EPB41L3: variants seen among roughly 807,000 people sequenced by gnomAD.
EPB41L3 encodes erythrocyte membrane protein band 4.1 like 3, also known as band 4.1-like protein 3.
A neutral mutation model predicts 127.1 loss-of-function variants in EPB41L3; 57 were observed. The observed-to-expected ratio is 0.45, with a 90% CI of 0.36 to 0.56. The LOEUF (loss-of-function observed/expected upper bound fraction) is 0.56, where lower values mean the gene tolerates loss of function less well. Among genes scored for constraint, EPB41L3 ranks in the 20% least tolerant of loss-of-function variants. EPB41L3 has a pLI of 0.00. For synonymous variants in EPB41L3, 572 were observed against 549.5 expected (o/e 1.04, Z -0.57); for missense variants, 1,273 against 1,372.2 (o/e 0.93, Z 1.14).
At chr18:5,464,945 T>C (rs2084691044) in intron 3 of EPB41L3, among the ~76,000 whole-genome samples, 2 of 152,210 alleles carry the variant, frequency 1.3e-5, no homozygotes, top group Admixed American at 6.5e-5. Flanking sequence ...CAAGGAACAC[T>C]ATACCTACTT....
chr18:5,456,848 C>T (rs1260927205), intron 3 of EPB41L3, among the ~76,000 whole-genome samples: 1 of 152,224 alleles, frequency 6.6e-6, no homozygotes, highest in Non-Finnish European at 1.5e-5. Flanking sequence ...AGCTGCTGAA[C>T]CCTGCTAAGA....
At chr18:5,558,458 T>C (rs2094072771) in intron 3 of EPB41L3, among the ~76,000 whole-genome samples, 1 of 152,116 alleles carries the variant, frequency 6.6e-6, no homozygotes, top group South Asian at 2.1e-4. Context: ...TGGAAATGGG[T>C]GACAGATAGG....
chr18:5,537,068 A>T (rs2093596051), intron 1 of EPB41L3, among the ~76,000 whole-genome samples: 1 of 152,166 alleles, frequency 6.6e-6, no homozygotes, highest in South Asian at 2.1e-4. Context: ...CCATTTTATA[A>T]ACGAGCAAAC....
At chr18:5,545,540 C>T (rs913488217), upstream of EPB41L3, among the ~76,000 whole-genome samples, 2 of 152,080 alleles carry the variant, frequency 1.3e-5, no homozygotes, top group Non-Finnish European at 2.9e-5. Context: ...TACTATGTTG[C>T]TATGGAGTTT....
intron 1 of EPB41L3, among the ~76,000 whole-genome samples, chr18:5,616,992 A>G (rs2094802596): frequency 6.6e-6 from 1 of 152,194 alleles, no homozygotes; most frequent in African/African-American, 2.4e-5. Flanking sequence ...ATGAAATGCA[A>G]AACTCCTGTG....
At chr18:5,469,892 G>C (rs1469959286) in intron 3 of EPB41L3, among the ~76,000 whole-genome samples, 1 of 151,486 alleles carries the variant, frequency 6.6e-6, no homozygotes, top group Non-Finnish European at 1.5e-5. Context: ...CAAGTCTCCT[G>C]CCTCAGCCTC....
At position 5,412,876 on chromosome 18, in the gene EPB41L3, A is replaced by G. The variant is rs1223142647; in HGVS notation, c.2068-2257T>C. Among the ~76,000 whole-genome samples, 12 of 152,118 alleles carry G rather than the reference A, an allele frequency of 7.9e-5. No individual in the cohort carries two copies. The East Asian group carries it at 2.3e-3, about 29-fold the overall frequency. On this transcript the variant is annotated intron_variant, in intron 13 of 22. Transcript: ENST00000341928. ...CCTGACACACTCAGAGCTAAAAAAAAAAAAAAAAAATGCCTATAACAATTA... is the reference window on the plus strand; with the variant it reads ...CCTGACACACTCAGAGCTAAAAAAAGAAAAAAAAAATGCCTATAACAATTA...
At chr18:5,524,187 G>A (rs1331509654) in intron 1 of EPB41L3, among the ~76,000 whole-genome samples, 4 of 151,026 alleles carry the variant, frequency 2.6e-5, no homozygotes, top group Admixed American at 1.3e-4. Context: ...TTTTGTTGTT[G>A]TTGTTTTTTG....
In EPB41L3 at chr18:5,458,030, A is replaced by AT. The variant is rs1568264994; in HGVS notation, c.382-12787dup. ...ACAGTGCCGGGCATCGAGCAGAAACATTTTTTTAAAAATATCAAAGAAAAT... is the reference window on the plus strand; with the variant it reads ...ACAGTGCCGGGCATCGAGCAGAAACATTTTTTTTAAAAATATCAAAGAAAAT... On this transcript the variant is annotated intron_variant, in intron 3 of 22. Transcript: ENST00000341928. Among the ~76,000 whole-genome samples, 5 of 152,122 alleles carry AT rather than the reference A, an allele frequency of 3.3e-5. No homozygotes were observed. In the South Asian group the frequency reaches 1.0e-3, roughly 31 times the overall value.
chr18:5,444,098 G>A (rs1439124561), intron 4 of EPB41L3, among the ~76,000 whole-genome samples: 1 of 152,196 alleles, frequency 6.6e-6, no homozygotes, highest in Non-Finnish European at 1.5e-5. Flanking sequence ...TGCAGTTTGG[G>A]CCTGACAAAA....
chr18:5,600,490 A>G (rs1301481061), intron 3 of EPB41L3, among the ~76,000 whole-genome samples: 1 of 152,192 alleles, frequency 6.6e-6, no homozygotes, highest in Admixed American at 6.5e-5. Context: ...CAGTCTCATC[A>G]TAAAAAAAGA....
intron 12 of EPB41L3, 151 bp from the exon 13 acceptor site, chr18:5,416,529 A>T (rs2076848733): frequency 1.3e-6 from 1 of 767,462 alleles, no homozygotes; most frequent in South Asian, 2.0e-5. Context: ...TGAATGTTAA[A>T]GTATTCAAGC....
chr18:5,454,835 C>T lies in EPB41L3; in HGVS notation c.382-9591G>A, dbSNP rs143937014. 7.3e-3 allele frequency among the ~76,000 whole-genome samples: 1,113 copies of T among 152,174 alleles called. 14 individuals carry two copies. Among genetic ancestry groups the T allele is most frequent in the African/African-American group, 0.024 (1,014 of 41,524 alleles). ...ATAGTGAACATGTGTGTTTAATTTC[C>T]AGGTCTAAATTATCTAGAGATGAGA... On this transcript the variant is annotated intron_variant, in intron 3 of 22. Transcript: ENST00000341928.
At chr18:5,523,147 G>A (rs2148835306) in intron 1 of EPB41L3, among the ~76,000 whole-genome samples, 1 of 152,282 alleles carries the variant, frequency 6.6e-6, no homozygotes, top group Non-Finnish European at 1.5e-5. Context: ...TCACACAAGG[G>A]CCACAAAGTC....
At chr18:5,509,294 T>C (rs966022650) in intron 1 of EPB41L3, among the ~76,000 whole-genome samples, 1 of 152,204 alleles carries the variant, frequency 6.6e-6, no homozygotes, top group African/African-American at 2.4e-5. Flanking sequence ...AGTATTCATT[T>C]TCTTGAGTTG....
At chr18:5,418,489 A>G (rs1477516723) in intron 12 of EPB41L3, among the ~76,000 whole-genome samples, 2 of 151,992 alleles carry the variant, frequency 1.3e-5, no homozygotes, top group Non-Finnish European at 2.9e-5. Flanking sequence ...GAAGAACCAC[A>G]TATTTGTTTT....
intron 3 of EPB41L3, among the ~76,000 whole-genome samples, chr18:5,576,419 T>C (rs531505404): frequency 3.9e-5 from 6 of 152,238 alleles, no homozygotes; most frequent in African/African-American, 1.2e-4. Context: ...GTGACACAGA[T>C]AAGAAACAGT....
At chr18:5,544,216 G>A (rs2093836598), upstream of EPB41L3, 2 of 985,528 alleles carry the variant, frequency 2.0e-6, no homozygotes, top group African/African-American at 3.5e-5. Context: ...CTCCGTCCTG[G>A]CGCAGGGTCA....
Position 5,595,585 on chromosome 18 carries a change from T to C in EPB41L3, c.-306+16755A>G, listed in dbSNP as rs538315231. 2.6e-5 allele frequency among the ~76,000 whole-genome samples: 4 copies of C among 152,308 alleles called. No homozygotes were observed. The South Asian group carries it at 8.3e-4, about 32-fold the overall frequency. On this transcript the variant is annotated intron_variant, in intron 3 of 21. Coordinates refer to the EPB41L3 transcript ENST00000545076. ...AATCTGTTGCTTATTTGTTATCTGA[T>C]GTGCCCACTTCTGCAGTAATTGTGT... is the stretch of plus-strand genomic sequence containing the variant.
Sources: gnomAD v4.1 joint callset for allele counts (sites outside exome capture counted in the v4.1 genomes callset) on GRCh38, gnomAD v4.1.1 for gene constraint, MANE v1.5 for transcripts, NCBI Gene and HGNC (gene_info 2026-07-23, HGNC 2026-07-21) for gene names.